The following ELAVL2 variants were observed in gnomAD, a reference collection of about 807,000 sequenced individuals.
ELAVL2 encodes the protein ELAV-like protein 2.
Under a neutral mutation model 34.6 loss-of-function variants are expected in ELAVL2, and 4 were observed. The observed-to-expected ratio is 0.12, with a 90% CI of 0.06 to 0.26. The LOEUF is 0.26. Among genes scored for constraint, ELAVL2 ranks in the 10% least tolerant of loss-of-function variants. The pLI is 1.00. For missense variants in ELAVL2, 432 were observed against 442.8 expected (o/e 0.98, Z 0.22); for synonymous variants, 193 against 154.8 (o/e 1.25, Z -1.83).
intron 1 of ELAVL2, among the ~76,000 whole-genome samples, chr9:23,807,352 CTT>C (rs1275179689): frequency 6.6e-6 from 1 of 152,086 alleles, no homozygotes; most frequent in African/African-American, 2.4e-5. Flanking sequence ...TTTTCCGTGT[CTT>C]TTCCAATTGC....
chr9:23,797,835 G>A (rs1298698746), intron 1 of ELAVL2, among the ~76,000 whole-genome samples: 1 of 152,184 alleles, frequency 6.6e-6, no homozygotes, highest in Non-Finnish European at 1.5e-5. Context: ...GGCTGAGGCA[G>A]GAGAATCTCT....
intron 4 of ELAVL2, among the ~76,000 whole-genome samples, chr9:23,702,806 A>G (rs1440727552): frequency 6.6e-6 from 1 of 151,948 alleles, no homozygotes; most frequent in African/African-American, 2.4e-5. Flanking sequence ...CATTTCAGGT[A>G]AATTGAGTAA....
chr9:23,696,491 C>G (rs185267363), intron 5 of ELAVL2, among the ~76,000 whole-genome samples: 4 of 152,266 alleles, frequency 2.6e-5, no homozygotes, highest in Non-Finnish European at 5.9e-5. Context: ...ATTTTTGAGA[C>G]GAAGTCTCGC....
At chr9:23,786,722 A>C (rs1018658043) in intron 1 of ELAVL2, among the ~76,000 whole-genome samples, 1 of 150,640 alleles carries the variant, frequency 6.6e-6, no homozygotes, top group African/African-American at 2.4e-5. Flanking sequence ...GAAGACATTA[A>C]TGTTCAAAAA....
In ELAVL2 at chr9:23,727,682, A is replaced by C. The variant is rs146024928; in HGVS notation, c.333+3340T>G. ...GTGGATCCCAGAAACTGTATTTCTAACTCACTTCCCTTGGGATTAAGATGC... is the reference window on the plus strand; with the variant it reads ...GTGGATCCCAGAAACTGTATTTCTACCTCACTTCCCTTGGGATTAAGATGC... On this transcript the variant is annotated intron_variant, in intron 3 of 6. Transcript: ENST00000397312. 5.0e-3 allele frequency among the ~76,000 whole-genome samples: 766 copies of C among 152,132 alleles called. 2 individuals carry two copies. The highest frequency in any genetic ancestry group is 7.9e-3 in the Non-Finnish European group (540 of 67,958).
chr9:23,824,240 TCA>T (rs1383195741), intron 1 of ELAVL2, among the ~76,000 whole-genome samples: 2 of 152,166 alleles, frequency 1.3e-5, no homozygotes, highest in Admixed American at 6.5e-5. Flanking sequence ...CTCCAATTTG[TCA>T]CAGTTGTATA....
chr9:23,761,750 T>C (rs1432041777), intron 2 of ELAVL2, among the ~76,000 whole-genome samples: 5 of 152,050 alleles, frequency 3.3e-5, no homozygotes. Flanking sequence ...ACATATACTT[T>C]TAGAAGATTT....
At chr9:23,757,662 C>T (rs2053896541) in intron 2 of ELAVL2, among the ~76,000 whole-genome samples, 1 of 151,950 alleles carries the variant, frequency 6.6e-6, no homozygotes, top group Non-Finnish European at 1.5e-5. Flanking sequence ...GCTGTACAAG[C>T]AGCAGAAGCT....
intron 1 of ELAVL2, among the ~76,000 whole-genome samples, chr9:23,793,787 T>C (rs944840509): frequency 6.6e-6 from 1 of 152,162 alleles, no homozygotes; most frequent in Non-Finnish European, 1.5e-5. Context: ...CAGTGGACTT[T>C]CCACCTCCAA....
intron 1 of ELAVL2, among the ~76,000 whole-genome samples, chr9:23,806,399 T>A (rs2062226554): frequency 6.6e-6 from 1 of 151,968 alleles, no homozygotes; most frequent in South Asian, 2.1e-4. Flanking sequence ...ACTTTGGAAG[T>A]CCAAAGCAGA....
At chr9:23,829,017 C>A (rs918317800), upstream of ELAVL2, among the ~76,000 whole-genome samples, 3 of 152,162 alleles carry the variant, frequency 2.0e-5, no homozygotes, top group Non-Finnish European at 2.9e-5. Flanking sequence ...ATGCAATCAA[C>A]CCCTTTTCAC....
chr9:23,694,531 T>C (rs1219470419), intron 5 of ELAVL2, among the ~76,000 whole-genome samples: 1 of 151,414 alleles, frequency 6.6e-6, no homozygotes, highest in Non-Finnish European at 1.5e-5. Context: ...CCCAGGGTTG[T>C]CCCTCTGGGA....
intron 1 of ELAVL2, among the ~76,000 whole-genome samples, chr9:23,781,985 A>AT (rs1378074365): frequency 2.0e-5 from 3 of 151,918 alleles, no homozygotes; most frequent in African/African-American, 7.3e-5. Flanking sequence ...CGCCTGGCTA[A>AT]TTTTTTAAAA....
At chr9:23,823,677 G>T (rs1317275584) in intron 1 of ELAVL2, among the ~76,000 whole-genome samples, 1 of 152,162 alleles carries the variant, frequency 6.6e-6, no homozygotes, top group African/African-American at 2.4e-5. Flanking sequence ...AAATCTTTCA[G>T]ATGTCCCATT....
rs774785674 is a variant in ELAVL2, at chr9:23,751,394, T to A, written c.229+10612A>T. Among the ~76,000 whole-genome samples the A allele has an allele frequency of 3.9e-5, 6 of 152,230 alleles. No homozygotes were observed. In the South Asian group the frequency reaches 1.2e-3, roughly 32 times the overall value. On this transcript the variant is annotated intron_variant, in intron 2 of 6. Coordinates refer to ENST00000397312, the MANE Select transcript of ELAVL2 (RefSeq NM_004432.5). ...CCTCCCCCATACACACAAACTGAAA[T>A]CTGTAAAGTCTGTGATGACTGAATG...
chr9:23,818,580 G>A (rs1052725678), intron 1 of ELAVL2, among the ~76,000 whole-genome samples: 2 of 152,238 alleles, frequency 1.3e-5, no homozygotes, highest in Admixed American at 6.5e-5. Context: ...ACTGAGATGG[G>A]CAGGTTTTCC....
Position 23,731,094 on chromosome 9 carries a change from G to A in ELAVL2, c.261C>T (p.Tyr87=), listed in dbSNP as rs754349636. The A allele has an allele frequency of 3.1e-6, 5 of 1,613,082 alleles. No individual in the cohort carries two copies. Among genetic ancestry groups the A allele is most frequent in the Non-Finnish European group, 4.2e-6 (5 of 1,179,380 alleles). ...CTTTCTCTGCATCCTTGGGGTCAAT[G>A]TAGTTCACAAAGCCATATCCCAAGC... ...GQSLGYGFVN[Y]IDPKDAEKAI... The change falls in exon 3 of 7, where the codon TAC becomes TAT. Residue 87 remains tyrosine (Y), a synonymous_variant. Coordinates refer to ENST00000397312, the MANE Select transcript of ELAVL2 (RefSeq NM_004432.5).
chr9:23,729,009 C>T (rs762905565), intron 3 of ELAVL2, among the ~76,000 whole-genome samples: 1 of 152,122 alleles, frequency 6.6e-6, no homozygotes, highest in Non-Finnish European at 1.5e-5. Context: ...CTTTCTTCCA[C>T]ATATTCAGCC....
At chr9:23,727,640 G>C (rs1254733000) in intron 3 of ELAVL2, among the ~76,000 whole-genome samples, 1 of 152,040 alleles carries the variant, frequency 6.6e-6, no homozygotes, top group African/African-American at 2.4e-5. Flanking sequence ...TGTGGACAGG[G>C]ATCGAGTAGA....
Sources: gnomAD v4.1 joint callset for allele counts (sites outside exome capture counted in the v4.1 genomes callset) on GRCh38, gnomAD v4.1.1 for gene constraint, MANE v1.5 for transcripts, NCBI Gene and HGNC (gene_info 2026-07-23, HGNC 2026-07-21) for gene names.